KCNMB1: variants seen among roughly 807,000 people sequenced by gnomAD.
KCNMB1 encodes the protein potassium calcium-activated channel subfamily M regulatory beta subunit 1.
KCNMB1 carries 22 observed loss-of-function variants against 21.7 expected under a neutral mutation model. That is an observed-to-expected ratio of 1.01 (90% CI 0.72 to 1.45). The LOEUF is 1.45. KCNMB1 is among the 40% of genes most tolerant of loss of function. The pLI is 0.00. For missense variants in KCNMB1, 243 were observed against 243.4 expected (o/e 1.00, Z 0.01); for synonymous variants, 114 against 107.6 (o/e 1.06, Z -0.37).
chr5:170,387,812 G>T (rs906636200), intron 1 of KCNMB1, among the ~76,000 whole-genome samples: 30 of 152,294 alleles, frequency 2.0e-4, no homozygotes, highest in Middle Eastern at 3.4e-3. Context: ...TAAGCTAAAA[G>T]CCCCAACAGC....
Position 170,385,346 on chromosome 5 carries a change from C to T in KCNMB1, c.102G>A (p.Leu34=), listed in dbSNP as rs978907824. The part of the protein sequence containing the change: ...VVCAVITYYI[L]VTTVLPLYQK... ...GGTAGAGGGGCAGCACAGTCGTGAC[C>T]AGGATGTAGTAGGTGATGACGGCAC... The change falls in exon 2 of 4, where the codon CTG becomes CTA. Residue 34 remains leucine (L), a synonymous_variant. Coordinates refer to ENST00000274629, the MANE Select transcript of KCNMB1 (RefSeq NM_004137.4). The T allele has an allele frequency of 3.1e-6, 5 of 1,613,952 alleles. No individual in the cohort carries two copies. The highest frequency in any genetic ancestry group is 2.5e-6 in the Non-Finnish European group (3 of 1,180,020).
intron 2 of KCNMB1, 151 bp from the exon 3 acceptor site, chr5:170,384,001 T>A (rs550049045): frequency 2.7e-6 from 2 of 737,136 alleles, no homozygotes; most frequent in Admixed American, 5.2e-5. Flanking sequence ...TAAAGGCACA[T>A]GACCCCACAG....
chr5:170,385,258 G>C, intron 2 of KCNMB1, 56 bp downstream of exon 2: 1 of 1,600,536 alleles, frequency 6.2e-7, no homozygotes, highest in Non-Finnish European at 8.6e-7. Flanking sequence ...GTTCCTTACA[G>C]ATGCCAGACC....
At chr5:170,384,137 A>C (rs554127002) in intron 2 of KCNMB1, among the ~76,000 whole-genome samples, 6 of 152,320 alleles carry the variant, frequency 3.9e-5, no homozygotes, top group African/African-American at 1.4e-4. Context: ...CCCGTGTCCA[A>C]GCTACACCCC....
intron 1 of KCNMB1, among the ~76,000 whole-genome samples, chr5:170,387,081 T>C (rs776711086): frequency 6.6e-5 from 10 of 152,164 alleles, no homozygotes; most frequent in Non-Finnish European, 1.3e-4. Context: ...GAGCCTCTGG[T>C]AAATTTATTT....
rs1764003960 is a variant in KCNMB1, at chr5:170,376,349, G to C, written c.*2355C>G. On this transcript the variant is annotated 3_prime_UTR_variant, in exon 4 of 4. Coordinates refer to ENST00000274629, the MANE Select transcript of KCNMB1 (RefSeq NM_004137.4). ...CTATGATTTTTTCTATTTTTTAGTA[G>C]AGACAGGGTTTCACCGTGTTAGCCA... 4 of 151,500 alleles carry C rather than the reference G, an allele frequency of 2.6e-5. No individual in the cohort carries two copies. The South Asian group carries it at 8.4e-4, about 32-fold the overall frequency. The allele number at this position is 151,500 out of a possible 1,614,324, so 9.4% of individuals were successfully genotyped here. A position where few individuals can be genotyped will look rare whatever the true frequency, so the allele number is the denominator to read the frequency against.
At chr5:170,384,097 G>GC (rs1422880831) in intron 2 of KCNMB1, among the ~76,000 whole-genome samples, 1 of 152,176 alleles carries the variant, frequency 6.6e-6, no homozygotes, top group African/African-American at 2.4e-5. Flanking sequence ...GGCTACTCTT[G>GC]CAACAACCTG....
In KCNMB1 at chr5:170,384,774, G is replaced by A. The variant is rs184184423; in HGVS notation, c.134+540C>T. On this transcript the variant is annotated intron_variant, in intron 2 of 3. Coordinates refer to ENST00000274629, the MANE Select transcript of KCNMB1 (RefSeq NM_004137.4). ...TGATATGTCATGGAGCAAGGGCATGGACCATTCTCTGAGATTCCTGAGCAG... is the reference window on the plus strand; with the variant it reads ...TGATATGTCATGGAGCAAGGGCATGAACCATTCTCTGAGATTCCTGAGCAG... Among the ~76,000 whole-genome samples the A allele has an allele frequency of 1.7e-3, 257 of 152,328 alleles. 2 individuals are homozygous for A. Among genetic ancestry groups the A allele is most frequent in the Non-Finnish European group, 2.6e-4 (18 of 68,038 alleles).
At chr5:170,384,928 G>A (rs139637108) in intron 2 of KCNMB1, among the ~76,000 whole-genome samples, 1 of 152,330 alleles carries the variant, frequency 6.6e-6, no homozygotes, top group Non-Finnish European at 1.5e-5. Context: ...ATGCCCACCT[G>A]ACAGGGAGGC....
intron 3 of KCNMB1, chr5:170,383,391 C>G (rs1419107583): frequency 3.3e-6 from 2 of 598,518 alleles, no homozygotes; most frequent in Non-Finnish European, 6.0e-6. Context: ...GACTTGATAA[C>G]AGCTCTTCAA....
At position 170,374,991 on chromosome 5, in the gene KCNMB1, T is replaced by C. The variant is rs1321544902; in HGVS notation, c.*3713A>G. On this transcript the variant is annotated 3_prime_UTR_variant, in exon 4 of 4. Transcript: ENST00000274629. ...ATGGCCTTTTCCCCTGCAGGGATTG[T>C]TTGGGTATTCTGAGTTTCTGTGTAT... 6.6e-6 allele frequency: 1 copy of C among 152,224 alleles called. No individual in the cohort carries two copies. The highest frequency in any genetic ancestry group is 1.9e-4 in the East Asian group (1 of 5,196). 9.4% of individuals were successfully genotyped at this position (152,224 alleles called of 1,614,324 possible). A position where few individuals can be genotyped will look rare whatever the true frequency, so the allele number is the denominator to read the frequency against.
intron 3 of KCNMB1, among the ~76,000 whole-genome samples, chr5:170,382,174 C>A (rs965343747): frequency 2.6e-5 from 4 of 152,318 alleles, no homozygotes; most frequent in South Asian, 4.1e-4. Context: ...CACCTGTAGG[C>A]TCCATCTTCC....
At chr5:170,379,089 G>C in intron 3 of KCNMB1, 116 bp from the exon 4 acceptor site, 2 of 1,273,440 alleles carry the variant, frequency 1.6e-6, no homozygotes, top group Non-Finnish European at 2.1e-6. Context: ...GATTGGAGTC[G>C]GGGCTTTGGT....
rs745329881 is a variant in KCNMB1 at position 170,383,768 on chromosome 5, G to A, written c.217C>T (p.Gln73Ter). The A allele has an allele frequency of 1.9e-6, 3 of 1,614,114 alleles. No individual in the cohort carries two copies. In the Admixed American group the frequency reaches 5.0e-5, roughly 27 times the overall value. Residue 73 changes from glutamine to a stop codon, truncating the protein, a stop_gained, in exon 3 of 4, where the codon CAG becomes TAG. Coordinates refer to ENST00000274629, the MANE Select transcript of KCNMB1 (RefSeq NM_004137.4). LOFTEE classifies it high-confidence loss of function. ...ACGTTGACCCACAGGCATGGGTACTGGGGCACCTTCTTGCCCTTCAGCTCC... is the reference window on the plus strand; with the variant it reads ...ACGTTGACCCACAGGCATGGGTACTAGGGCACCTTCTTGCCCTTCAGCTCC... ...QEELKGKKVP[Q>*]YPCLWVNVSA...
chr5:170,380,880 A>G (rs898134936), intron 3 of KCNMB1, among the ~76,000 whole-genome samples: 24 of 152,208 alleles, frequency 1.6e-4, no homozygotes, highest in Non-Finnish European at 3.4e-4. Context: ...TGGGTTTGTG[A>G]GGCTACCTGC....
chr5:170,388,457 A>G (rs74328412), intron 1 of KCNMB1, among the ~76,000 whole-genome samples: 3,948 of 152,350 alleles, frequency 0.026, 105 homozygotes, highest in East Asian at 0.11. Context: ...TTAGACTGTA[A>G]GAAGAACTTC....
chr5:170,382,655 CTT>C lies in KCNMB1; in HGVS notation c.306+1022_306+1023del, dbSNP rs5873227. 2.5e-3 allele frequency: 322 copies of C among 129,516 alleles called. 1 individual carries two copies. Among genetic ancestry groups the C allele is most frequent in the African/African-American group, 8.0e-3 (276 of 34,698 alleles). 8.0% of individuals were successfully genotyped at this position (129,516 alleles called of 1,614,324 possible). On this transcript the variant is annotated intron_variant, in intron 3 of 3. Coordinates refer to ENST00000274629, the MANE Select transcript of KCNMB1 (RefSeq NM_004137.4). ...TTAAAAGCCTAATCCAAGAGCCTTTCTTTTTTTTTTTTTTTTTTTTGAGATGG... is the reference window on the plus strand; with the variant it reads ...TTAAAAGCCTAATCCAAGAGCCTTTCTTTTTTTTTTTTTTTTTTGAGATGG...
At position 170,375,440 on chromosome 5, in the gene KCNMB1, C is replaced by A. The variant is rs1480352228; in HGVS notation, c.*3264G>T. On this transcript the variant is annotated 3_prime_UTR_variant, in exon 4 of 4. Transcript: ENST00000274629. ...CAGATGCTGGTGCAGATGCCAGGGC[C>A]TCCCCTCAGAACTCCAACCTGCATG... 1.3e-5 allele frequency: 2 copies of A among 152,440 alleles called. No individual in the cohort carries two copies. Among genetic ancestry groups the A allele is most frequent in the Non-Finnish European group, 2.9e-5 (2 of 68,096 alleles). The allele number at this position is 152,440 out of a possible 1,614,324, so 9.4% of individuals were successfully genotyped here. A position where few individuals can be genotyped will look rare whatever the true frequency, so the allele number is the denominator to read the frequency against.
intron 3 of KCNMB1, among the ~76,000 whole-genome samples, chr5:170,380,346 G>A (rs1040997697): frequency 6.6e-6 from 1 of 152,214 alleles, no homozygotes; most frequent in African/African-American, 2.4e-5. Context: ...CCAGGAATGT[G>A]TGATTCCTTC....
Sources: allele counts gnomAD v4.1 joint callset (sites outside exome capture counted in the v4.1 genomes callset), GRCh38; gene constraint gnomAD v4.1.1; transcripts MANE v1.5; gene names NCBI Gene and HGNC (gene_info 2026-07-23, HGNC 2026-07-21).